The following MARK4 variants were observed in gnomAD, a reference collection of about 807,000 sequenced individuals.
MARK4 encodes the protein MAP/microtubule affinity-regulating kinase 4.
In MARK4, 19 loss-of-function variants were observed where a neutral mutation model predicts 81.5. That is an observed-to-expected ratio of 0.23 (90% CI 0.16 to 0.34). The LOEUF (loss-of-function observed/expected upper bound fraction) is 0.34, where lower values mean the gene tolerates loss of function less well. MARK4 is among the 10% of genes least tolerant of loss of function. The pLI, the probability that MARK4 is intolerant of heterozygous loss-of-function variation, is 1.00. For synonymous variants in MARK4, 436 were observed against 439.0 expected (o/e 0.99, Z 0.08); for missense variants, 772 against 1,058.8 (o/e 0.73, Z 3.76).
intron 8 of MARK4, among the ~76,000 whole-genome samples, chr19:45,273,603 G>A (rs1227641718): frequency 1.3e-5 from 2 of 152,110 alleles, no homozygotes; most frequent in African/African-American, 4.8e-5. Context: ...ACAGTTCTCA[G>A]CCTCTCTTTT....
chr19:45,260,701 T>A (rs528740345), intron 2 of MARK4, among the ~76,000 whole-genome samples: 66 of 48,756 alleles, frequency 1.4e-3, no homozygotes, highest in Non-Finnish European at 4.2e-3. Flanking sequence ...TCTCAAAAAA[T>A]AAATAAATAA....
rs173179 is a variant in MARK4 at position 45,297,760 on chromosome 19, T to C, written c.1683T>C (p.Arg561=). ...CAGGGGAGCGGAGCCGCCTGGCACG[T>C]GGTTCCACCATCCGCAGCACCTTCC... The part of the protein sequence containing the change: ...PPSGERSRLA[R]GSTIRSTFHG... Residue 561 remains arginine (R), a synonymous_variant, in exon 15 of 17, where the codon CGT becomes CGC. Transcript: ENST00000262891. 0.99 allele frequency: 1,560,428 copies of C among 1,581,370 alleles called. 769,911 individuals carry two copies. The highest frequency in any genetic ancestry group is 1 in the East Asian group (44,467 of 44,470).
At chr19:45,265,643 G>T (rs1207196995) in intron 6 of MARK4, among the ~76,000 whole-genome samples, 1 of 150,562 alleles carries the variant, frequency 6.6e-6, no homozygotes, top group Admixed American at 6.6e-5. Context: ...GGGGTAAGAG[G>T]AGATGCAGGT....
intron 10 of MARK4, among the ~76,000 whole-genome samples, chr19:45,279,002 T>G (rs1359489629): frequency 6.6e-6 from 1 of 152,096 alleles, no homozygotes; most frequent in Non-Finnish European, 1.5e-5. Flanking sequence ...AAGAATCACT[T>G]GAGCCCAGGA....
intron 13 of MARK4, among the ~76,000 whole-genome samples, chr19:45,292,795 C>T (rs1970836034): frequency 6.6e-6 from 1 of 151,990 alleles, no homozygotes. Flanking sequence ...CCACTTGAGG[C>T]CAGGAGGTCG....
rs200509853 is a variant in MARK4 at position 45,277,918 on chromosome 19, T to C, written c.787-5T>C. ...CCCCCTCCTCCAGTAACCCCATCCC[T>C]GCAGGAGCTGCGGGAGCGAGTACTC... On this transcript the variant is annotated splice_polypyrimidine_tract_variant and splice_region_variant and intron_variant, in intron 8 of 16. Coordinates refer to ENST00000262891, the MANE Select transcript of MARK4 (RefSeq NM_001199867.2). 1.9e-3 allele frequency: 3,125 copies of C among 1,605,476 alleles called. 13 individuals carry two copies. The highest frequency in any genetic ancestry group is 6.7e-3 in the Middle Eastern group (40 of 6,004).
At chr19:45,255,665 A>G (rs1377741199) in intron 1 of MARK4, among the ~76,000 whole-genome samples, 1 of 152,124 alleles carries the variant, frequency 6.6e-6, no homozygotes, top group Non-Finnish European at 1.5e-5. Context: ...ATAGTGTGGT[A>G]ATGGCCTCAT....
intron 14 of MARK4, 80 bp downstream of exon 14, chr19:45,294,532 G>C (rs1970861407): frequency 1.6e-6 from 2 of 1,232,216 alleles, no homozygotes; most frequent in Non-Finnish European, 2.3e-6. Flanking sequence ...TGAGATGATA[G>C]GCATTGGAGG....
chr19:45,287,177 C>G (rs923332285), intron 12 of MARK4, among the ~76,000 whole-genome samples: 5 of 142,328 alleles, frequency 3.5e-5, no homozygotes, highest in Non-Finnish European at 6.0e-5. Flanking sequence ...GCACTCCAGC[C>G]TGGCAACAGA....
Position 45,278,569 on chromosome 19 carries a change from G to A in MARK4, c.960G>A (p.Lys320=). 1 of 1,614,056 alleles carries A rather than the reference G, an allele frequency of 6.2e-7. No homozygotes were observed. The highest frequency in any genetic ancestry group is 2.2e-5 in the East Asian group (1 of 44,876). Residue 320 remains lysine, a synonymous_variant, in exon 10 of 17, where the codon AAG becomes AAA. Transcript: ENST00000262891. ...TCGGCTATGAGGGTGAGGAGTTGAA[G>A]CCATACACAGAGCCCGAGGAGGACT... ...INIGYEGEEL[K]PYTEPEEDFG...
intron 9 of MARK4, 42 bp from the exon 10 acceptor site, chr19:45,278,474 C>T (rs1168600470): frequency 1.3e-6 from 2 of 1,556,172 alleles, no homozygotes; most frequent in South Asian, 1.1e-5. Flanking sequence ...CTGGTTCCTT[C>T]TGACACCTGT....
chr19:45,274,258 A>G (rs889717274), intron 8 of MARK4, among the ~76,000 whole-genome samples: 5 of 151,980 alleles, frequency 3.3e-5, no homozygotes, highest in African/African-American at 1.2e-4. Flanking sequence ...CAAAACAAAC[A>G]AACAAAAAAG....
intron 7 of MARK4, among the ~76,000 whole-genome samples, chr19:45,266,504 A>G (rs1380362129): frequency 6.6e-6 from 1 of 152,036 alleles, no homozygotes; most frequent in Non-Finnish European, 1.5e-5. Flanking sequence ...AGGGGACAGG[A>G]GGAGTGAACA....
Position 45,302,256 on chromosome 19 carries a change from GA to G in MARK4, c.1923-117del. 1 of 1,557,898 alleles carries G rather than the reference GA, an allele frequency of 6.4e-7. No individual in the cohort carries two copies. On this transcript the variant is annotated intron_variant, in intron 16 of 16. Transcript: ENST00000262891. The surrounding 1 kb of genome is among the most constrained non-coding windows in gnomAD (Gnocchi z 4.9). ...AACTGTCGCTGGGGTAACAGGGGAA[GA>G]TGTTTTTTGAGGGGATGGCTAGGAA...
At chr19:45,258,331 G>A (rs1970336016) in intron 1 of MARK4, among the ~76,000 whole-genome samples, 2 of 152,174 alleles carry the variant, frequency 1.3e-5, no homozygotes, top group African/African-American at 4.8e-5. Context: ...AAAGATTCAT[G>A]TGCATTGCTT....
In MARK4 at chr19:45,286,442, GC is replaced by G. The variant is rs559156765; in HGVS notation, c.1277-1004del. 3.7e-3 allele frequency among the ~76,000 whole-genome samples: 538 copies of G among 146,218 alleles called. 3 individuals are homozygous for G. The highest frequency in any genetic ancestry group is 6.3e-3 in the Non-Finnish European group (418 of 66,402). ...GATAAATATGGGACCGGGTGCGGTGGCTCACGCCTGTAATCCCAGCACTTTG... is the reference window on the plus strand; with the variant it reads ...GATAAATATGGGACCGGGTGCGGTGGTCACGCCTGTAATCCCAGCACTTTG... On this transcript the variant is annotated intron_variant, in intron 12 of 16. Coordinates refer to ENST00000262891, the MANE Select transcript of MARK4 (RefSeq NM_001199867.2).
intron 13 of MARK4, among the ~76,000 whole-genome samples, chr19:45,289,319 A>G (rs1326907142): frequency 2.1e-5 from 3 of 143,822 alleles, no homozygotes; most frequent in Non-Finnish European, 3.0e-5. Context: ...CCCAGGAGGC[A>G]GAGGTTGCAG....
intron 16 of MARK4, among the ~76,000 whole-genome samples, chr19:45,301,350 G>A (rs999733767): frequency 6.6e-6 from 1 of 150,538 alleles, no homozygotes; most frequent in East Asian, 2.0e-4. Context: ...GATCACCTGA[G>A]GCCGGGAGTT....
rs922742861 is a variant in MARK4 at position 45,298,074 on chromosome 19, C to T, written c.1877+120C>T. 2.0e-6 allele frequency: 3 copies of T among 1,490,396 alleles called. No homozygotes were observed. In the East Asian group the frequency reaches 6.9e-5, roughly 34 times the overall value. 92.3% of individuals were successfully genotyped at this position (1,490,396 alleles called of 1,614,324 possible). On this transcript the variant is annotated intron_variant, in intron 15 of 16. Coordinates refer to ENST00000262891, the MANE Select transcript of MARK4 (RefSeq NM_001199867.2). ...TTTCCTCTTCCTCCTCCTCCTCCTCCTCGTTTCCTCCTCCTCCTCCTCCTT... is the reference window on the plus strand; with the variant it reads ...TTTCCTCTTCCTCCTCCTCCTCCTCTTCGTTTCCTCCTCCTCCTCCTCCTT...
Sources: allele counts gnomAD v4.1 joint callset (sites outside exome capture counted in the v4.1 genomes callset), GRCh38; gene constraint gnomAD v4.1.1; non-coding constraint Gnocchi (gnomAD v3.1); transcripts MANE v1.5; gene names NCBI Gene and HGNC (gene_info 2026-07-23, HGNC 2026-07-21).